The following PTPRO variants were observed in gnomAD, a reference collection of about 807,000 sequenced individuals.
PTPRO encodes the protein receptor-type tyrosine-protein phosphatase O.
A neutral mutation model predicts 145.2 loss-of-function variants in PTPRO; 62 were observed. The ratio of observed to expected loss-of-function variants is 0.43; its 90% CI spans 0.35 to 0.53. The LOEUF is 0.53. PTPRO is among the 20% of genes least tolerant of loss of function. The probability of loss-of-function intolerance (pLI) is 0.01; values close to 1 mark genes in which losing one functional copy is unlikely to be tolerated. For missense variants in PTPRO, 1,345 were observed against 1,482.7 expected (o/e 0.91, Z 1.53); for synonymous variants, 565 against 514.7 (o/e 1.10, Z -1.32).
At position 15,577,789 on chromosome 12, in the gene PTPRO, G is replaced by T. The variant is rs553815999; in HGVS notation, c.2830-1064G>T. 2.0e-5 allele frequency among the ~76,000 whole-genome samples: 3 copies of T among 152,182 alleles called. No individual in the cohort carries two copies. In the South Asian group the frequency reaches 6.2e-4, roughly 32 times the overall value. ...GGAATATAACTAGATCCACTGCATT[G>T]GTTGCACATTGTACAACTCCAGTGA... On this transcript the variant is annotated intron_variant, in intron 19 of 26. Coordinates refer to ENST00000281171, the MANE Select transcript of PTPRO (RefSeq NM_030667.3).
intron 8 of PTPRO, among the ~76,000 whole-genome samples, chr12:15,516,157 A>C (rs1425879656): frequency 1.3e-5 from 2 of 150,270 alleles, no homozygotes; most frequent in African/African-American, 2.4e-5. Flanking sequence ...TGCCTGGCTA[A>C]TTTTTTGTAT....
At chr12:15,397,219 T>G (rs191493720) in intron 1 of PTPRO, among the ~76,000 whole-genome samples, 1 of 152,288 alleles carries the variant, frequency 6.6e-6, no homozygotes, top group Admixed American at 6.5e-5. Flanking sequence ...ACAGATAATA[T>G]TTATATTTCT....
Position 15,589,715 on chromosome 12 carries a change from T to C in PTPRO, c.3546+125T>C. On this transcript the variant is annotated intron_variant, in intron 25 of 26. Transcript: ENST00000281171. ...GTATCTTTCTTTCCCATTTTCTTATTGTATATGTTCAAACTGCTTTGAGGC... is the reference window on the plus strand; with the variant it reads ...GTATCTTTCTTTCCCATTTTCTTATCGTATATGTTCAAACTGCTTTGAGGC... The C allele has an allele frequency of 3.2e-6, 4 of 1,238,312 alleles. No individual in the cohort carries two copies. The South Asian group carries it at 3.8e-5, about 12-fold the overall frequency. The allele number at this position is 1,238,312 out of a possible 1,614,324, so 76.7% of individuals were successfully genotyped here.
intron 1 of PTPRO, among the ~76,000 whole-genome samples, chr12:15,431,520 C>A (rs1271430100): frequency 6.6e-6 from 1 of 152,090 alleles, no homozygotes; most frequent in Non-Finnish European, 1.5e-5. Context: ...GGTGTGCAAC[C>A]AAATTGCCAA....
chr12:15,339,331 T>A (rs1866889515), intron 1 of PTPRO, among the ~76,000 whole-genome samples: 1 of 152,092 alleles, frequency 6.6e-6, no homozygotes, highest in African/African-American at 2.4e-5. Flanking sequence ...CTGAGGAGGA[T>A]GAGTAGTTGG....
intron 6 of PTPRO, among the ~76,000 whole-genome samples, chr12:15,508,209 T>C (rs1404276727): frequency 6.6e-6 from 1 of 152,198 alleles, no homozygotes; most frequent in East Asian, 1.9e-4. Flanking sequence ...TCAAAGATCC[T>C]AGTAGCAAAG....
chr12:15,551,925 A>T, intron 15 of PTPRO, among the ~76,000 whole-genome samples: 1 of 152,072 alleles, frequency 6.6e-6, no homozygotes, highest in Non-Finnish European at 1.5e-5. Context: ...TGGCATTTGA[A>T]GTAGCCCATA....
chr12:15,340,622 G>C (rs1295687634), intron 1 of PTPRO, among the ~76,000 whole-genome samples: 1 of 152,150 alleles, frequency 6.6e-6, no homozygotes, highest in Non-Finnish European at 1.5e-5. Flanking sequence ...TCTGTACTCT[G>C]TAAGATAATT....
chr12:15,429,757 G>GA (rs1292922611), intron 1 of PTPRO, among the ~76,000 whole-genome samples: 28 of 152,150 alleles, frequency 1.8e-4, no homozygotes, highest in Admixed American at 8.5e-4. Flanking sequence ...ATGCAATGTA[G>GA]AAAACAACTG....
intron 19 of PTPRO, among the ~76,000 whole-genome samples, chr12:15,574,108 G>A (rs6488785): frequency 0.99 from 150,984 of 152,318 alleles, 74,854 homozygotes; most frequent in Middle Eastern, 1. Context: ...GCATTTTGCA[G>A]ATTGAAACTA....
At chr12:15,514,451 C>CAAAAAAAA (rs71438353) in intron 7 of PTPRO, among the ~76,000 whole-genome samples, 2 of 68,920 alleles carry the variant, frequency 2.9e-5, no homozygotes, top group Non-Finnish European at 5.7e-5. Flanking sequence ...GACTCTGTCT[C>CAAAAAAAA]AAAAAAAAAA....
chr12:15,444,733 A>T (rs1940858690), intron 1 of PTPRO, among the ~76,000 whole-genome samples: 1 of 152,096 alleles, frequency 6.6e-6, no homozygotes, highest in African/African-American at 2.4e-5. Context: ...AATGATGACC[A>T]TCTATAAACC....
At chr12:15,392,742 A>AAG (rs56383115) in intron 1 of PTPRO, among the ~76,000 whole-genome samples, 1 of 143,938 alleles carries the variant, frequency 6.9e-6, no homozygotes, top group South Asian at 2.2e-4. Flanking sequence ...AAAAAAAAAA[A>AAG]GAAGAAAAAA....
chr12:15,500,083 G>GTGGGTGGA (rs148826736), intron 4 of PTPRO, among the ~76,000 whole-genome samples: 62,982 of 149,740 alleles, frequency 0.42, 13,825 homozygotes, highest in East Asian at 0.53. Flanking sequence ...AGATGGATGG[G>GTGGGTGGA]TGGATGGATG....
intron 2 of PTPRO, 125 bp downstream of exon 2, chr12:15,484,372 G>T (rs1018842978): frequency 9.6e-7 from 1 of 1,043,704 alleles, no homozygotes; most frequent in Middle Eastern, 2.0e-4. Context: ...AAGTGACGTA[G>T]ATTCAAAGTT....
intron 25 of PTPRO, among the ~76,000 whole-genome samples, chr12:15,594,483 C>T (rs1406305339): frequency 6.6e-6 from 1 of 151,296 alleles, no homozygotes; most frequent in Non-Finnish European, 1.5e-5. Context: ...GAAAGTAGAT[C>T]TTAAGTGTTC....
At chr12:15,323,834 C>A (rs1866370200) in intron 1 of PTPRO, among the ~76,000 whole-genome samples, 1 of 152,038 alleles carries the variant, frequency 6.6e-6, no homozygotes. Context: ...TTATATGCAC[C>A]ATTAATTATG....
At chr12:15,519,834 C>T (rs1942676622) in intron 9 of PTPRO, among the ~76,000 whole-genome samples, 1 of 152,108 alleles carries the variant, frequency 6.6e-6, no homozygotes, top group Non-Finnish European at 1.5e-5. Flanking sequence ...TCGTGGTTTA[C>T]ACTGAAAAAA....
At chr12:15,443,312 C>G (rs925841087) in intron 1 of PTPRO, among the ~76,000 whole-genome samples, 19 of 152,002 alleles carry the variant, frequency 1.2e-4, no homozygotes, top group Admixed American at 1.2e-3. Flanking sequence ...GAAACTGGAT[C>G]CCATATACTA....
Sources: gnomAD v4.1 joint callset for allele counts (sites outside exome capture counted in the v4.1 genomes callset) on GRCh38, gnomAD v4.1.1 for gene constraint, MANE v1.5 for transcripts, NCBI Gene and HGNC (gene_info 2026-07-23, HGNC 2026-07-21) for gene names.